The following GNA14 variants were observed in gnomAD, a reference collection of about 807,000 sequenced individuals.
GNA14 encodes G protein subunit alpha 14.
In GNA14, 50 loss-of-function variants were observed where a neutral mutation model predicts 42.0. That is an observed-to-expected ratio of 1.19 (90% CI 0.95 to 1.51). GNA14 has a LOEUF of 1.51. Ranked by LOEUF, GNA14 falls within the 40% of genes most tolerant of loss-of-function variation. GNA14 has a pLI of 0.00. For missense variants in GNA14, 473 were observed against 446.2 expected (o/e 1.06, Z -0.54); for synonymous variants, 173 against 163.1 (o/e 1.06, Z -0.46).
rs183457286 is a variant in GNA14, at chr9:77,611,332, A to C, written c.124+36338T>G. On this transcript the variant is annotated intron_variant, in intron 1 of 6. Coordinates refer to ENST00000341700, the MANE Select transcript of GNA14 (RefSeq NM_004297.4). ...TGCTCCAGCATCCCAAGGGAGCTAC[A>C]TGGGCAGGCCCAGATGGATGCCTGA... is the stretch of plus-strand genomic sequence containing the variant. 1.0e-3 allele frequency among the ~76,000 whole-genome samples: 158 copies of C among 152,330 alleles called. 1 individual carries two copies. The highest frequency in any genetic ancestry group is 3.5e-3 in the African/African-American group (147 of 41,578).
At chr9:77,424,888 G>A (rs1835431306) in intron 6 of GNA14, among the ~76,000 whole-genome samples, 1 of 152,080 alleles carries the variant, frequency 6.6e-6, no homozygotes, top group Non-Finnish European at 1.5e-5. Flanking sequence ...AGTAAAAGGG[G>A]AAAGAAGAGT....
In GNA14 at chr9:77,624,909, C is replaced by G. The variant is rs183645893; in HGVS notation, c.124+22761G>C. Among the ~76,000 whole-genome samples the G allele has an allele frequency of 5.7e-3, 865 of 151,978 alleles. 8 individuals are homozygous for G. Among genetic ancestry groups the G allele is most frequent in the African/African-American group, 0.02 (815 of 41,460 alleles). On this transcript the variant is annotated intron_variant, in intron 1 of 6. Coordinates refer to ENST00000341700, the MANE Select transcript of GNA14 (RefSeq NM_004297.4). ...AAAATTGGATGGAGAATGAATTTGA[C>G]GAATTGACCGAAGTAGGCTTCAGAA...
intron 2 of GNA14, among the ~76,000 whole-genome samples, chr9:77,521,665 G>A (rs761729062): frequency 7.2e-5 from 11 of 151,972 alleles, no homozygotes; most frequent in Non-Finnish European, 7.4e-5. Flanking sequence ...CTATGATCCC[G>A]CCCCCAAAAT....
At chr9:77,536,992 C>T (rs1323563318) in intron 1 of GNA14, among the ~76,000 whole-genome samples, 1 of 152,002 alleles carries the variant, frequency 6.6e-6, no homozygotes, top group East Asian at 1.9e-4. Flanking sequence ...TATGGGGTAC[C>T]TATGAATATC....
chr9:77,640,869 C>A (rs1429406337), intron 1 of GNA14, among the ~76,000 whole-genome samples: 3 of 62,018 alleles, frequency 4.8e-5, no homozygotes, highest in Admixed American at 1.9e-4. Context: ...CAATAAAATG[C>A]TCAAAAAAAA....
At chr9:77,606,371 C>G (rs186604165) in intron 1 of GNA14, among the ~76,000 whole-genome samples, 4 of 152,276 alleles carry the variant, frequency 2.6e-5, no homozygotes, top group East Asian at 3.9e-4. Context: ...TTTCTCCCTA[C>G]AAACTCATTA....
intron 6 of GNA14, 72 bp from the exon 7 acceptor site, chr9:77,424,241 G>A: frequency 9.3e-7 from 1 of 1,076,826 alleles, no homozygotes; most frequent in East Asian, 2.5e-5. Context: ...CCTTTTTTTT[G>A]AGACAGAGTC....
intron 2 of GNA14, among the ~76,000 whole-genome samples, chr9:77,521,264 G>A (rs1451446726): frequency 6.6e-6 from 1 of 152,200 alleles, no homozygotes; most frequent in Non-Finnish European, 1.5e-5. Context: ...CAGGGCCTGA[G>A]TTTAACATTC....
chr9:77,632,989 A>C (rs1297427211), intron 1 of GNA14, among the ~76,000 whole-genome samples: 1 of 152,174 alleles, frequency 6.6e-6, no homozygotes, highest in Non-Finnish European at 1.5e-5. Context: ...AGACAGAAAA[A>C]TACCCCAAAG....
At chr9:77,534,724 G>A (rs192547917) in intron 1 of GNA14, among the ~76,000 whole-genome samples, 1 of 152,324 alleles carries the variant, frequency 6.6e-6, no homozygotes, top group East Asian at 1.9e-4. Context: ...TGCGCATAAC[G>A]GATGTGACCA....
At chr9:77,603,976 A>C (rs1823611688) in intron 1 of GNA14, among the ~76,000 whole-genome samples, 6 of 135,636 alleles carry the variant, frequency 4.4e-5, no homozygotes, top group Admixed American at 7.3e-5. Flanking sequence ...AAAAAAAAAA[A>C]AAAAACACCT....
At chr9:77,445,676 A>C (rs567240620) in intron 2 of GNA14, among the ~76,000 whole-genome samples, 2 of 152,084 alleles carry the variant, frequency 1.3e-5, no homozygotes, top group East Asian at 3.9e-4. Flanking sequence ...TAGGAGTCGG[A>C]GGCTGGAGTG....
chr9:77,588,659 G>C (rs1001226157), intron 1 of GNA14, among the ~76,000 whole-genome samples: 1 of 152,168 alleles, frequency 6.6e-6, no homozygotes, highest in Non-Finnish European at 1.5e-5. Flanking sequence ...AAAAATCTAA[G>C]TTAGAAGGCA....
chr9:77,621,431 T>G (rs1030455648), intron 1 of GNA14, among the ~76,000 whole-genome samples: 1 of 152,180 alleles, frequency 6.6e-6, no homozygotes, highest in Non-Finnish European at 1.5e-5. Flanking sequence ...TCTGGTGGTG[T>G]GTATGGGTAA....
At chr9:77,597,661 C>T (rs751288823) in intron 1 of GNA14, among the ~76,000 whole-genome samples, 3 of 151,230 alleles carry the variant, frequency 2.0e-5, no homozygotes, top group South Asian at 2.1e-4. Context: ...TGGCAAAACC[C>T]GCAATTACTT....
intron 2 of GNA14, among the ~76,000 whole-genome samples, chr9:77,492,655 T>C (rs1019803005): frequency 2.6e-5 from 4 of 152,056 alleles, no homozygotes; most frequent in African/African-American, 9.7e-5. Context: ...CATCTTAACA[T>C]GCATTTCCCA....
intron 2 of GNA14, among the ~76,000 whole-genome samples, chr9:77,483,976 G>A (rs1836611345): frequency 6.6e-6 from 1 of 152,158 alleles, no homozygotes; most frequent in African/African-American, 2.4e-5. Flanking sequence ...TCAATACCCA[G>A]ACAAATATTG....
At chr9:77,582,364 T>G (rs1030879776) in intron 1 of GNA14, among the ~76,000 whole-genome samples, 2 of 152,086 alleles carry the variant, frequency 1.3e-5, no homozygotes, top group African/African-American at 2.4e-5. Context: ...CTCTACAACT[T>G]TACCAACCTC....
At chr9:77,517,743 G>T (rs1344711139) in intron 2 of GNA14, among the ~76,000 whole-genome samples, 1 of 150,972 alleles carries the variant, frequency 6.6e-6, no homozygotes, top group Admixed American at 6.6e-5. Context: ...GAGTAGCTGG[G>T]ACTACAGATG....
Sources: gnomAD v4.1 joint callset for allele counts (sites outside exome capture counted in the v4.1 genomes callset) on GRCh38, gnomAD v4.1.1 for gene constraint, MANE v1.5 for transcripts, NCBI Gene and HGNC (gene_info 2026-07-23, HGNC 2026-07-21) for gene names.